Variants in FAAH2 observed in about 807,000 individuals in gnomAD.
FAAH2 encodes the protein fatty acid amide hydrolase 2.
Under a neutral mutation model 36.9 loss-of-function variants are expected in FAAH2, and 60 were observed. The observed-to-expected ratio is 1.63, with a 90% confidence interval of 1.32 to 2.02. FAAH2 has a LOEUF of 2.02. Ranked by LOEUF, FAAH2 falls within the 30% of genes most tolerant of loss-of-function variation. The pLI is 0.00. For synonymous variants in FAAH2, 214 were observed against 143.8 expected, an observed-to-expected ratio of 1.49 and a Z score of -3.49; for missense variants, 689 against 397.5, an observed-to-expected ratio of 1.73 and a Z score of -6.23.
chrX:57,261,569 A>G, the FAAH2 span, among the ~76,000 whole-genome samples: 19 of 107,879 alleles, frequency 1.8e-4, no homozygotes, highest in South Asian at 3.9e-4. Flanking sequence ...AAAAAAAAAA[A>G]AAAAAAGAAA....
chrX:57,166,673 A>G, the FAAH2 span, among the ~76,000 whole-genome samples: 1 of 112,452 alleles, frequency 8.9e-6, no homozygotes, highest in African/African-American at 3.2e-5. Flanking sequence ...CTTATAAAGC[A>G]CATATTACTG....
rs577499371 is a variant in FAAH2, at chrX:57,362,166, G to A, written c.743-16485G>A. ...GCACATATACATCATGGAATACTAT[G>A]CAGCCACAAAAAAAGATGAGTTCAT... On this transcript the variant is annotated intron_variant, in intron 5 of 10. Coordinates refer to ENST00000374900, the MANE Select transcript of FAAH2 (RefSeq NM_174912.4). Among the ~76,000 whole-genome samples, 3 of 110,966 alleles carry A rather than the reference G, an allele frequency of 2.7e-5. No homozygotes were observed. The South Asian group carries it at 1.2e-3, about 43-fold the overall frequency.
chrX:57,486,497 T>C (rs1158710106), intron 10 of FAAH2, among the ~76,000 whole-genome samples: 1 of 111,854 alleles, frequency 8.9e-6, no homozygotes, highest in Non-Finnish European at 1.9e-5. Flanking sequence ...GGCTGTTTTC[T>C]ATCATTTGGC....
intron 7 of FAAH2, among the ~76,000 whole-genome samples, chrX:57,423,809 C>T (rs781621352): frequency 9.0e-6 from 1 of 111,151 alleles, no homozygotes; most frequent in African/African-American, 3.3e-5. Context: ...AACAGGACCA[C>T]GCCCCCAGGG....
At chrX:57,353,504 A>T (rs867650073) in intron 5 of FAAH2, among the ~76,000 whole-genome samples, 5 of 90,818 alleles carry the variant, frequency 5.5e-5, no homozygotes, top group African/African-American at 1.9e-4. Flanking sequence ...AAAAAAAGAA[A>T]AAAAAGAAAA....
the FAAH2 span, among the ~76,000 whole-genome samples, chrX:57,246,171 C>A: frequency 1.8e-5 from 2 of 111,531 alleles, no homozygotes; most frequent in African/African-American, 6.5e-5. Context: ...TAAGTCTAAA[C>A]CAGAAAGAAG....
At chrX:57,395,365 T>G in intron 7 of FAAH2, 1 of 697,882 alleles carries the variant, frequency 1.4e-6, no homozygotes, top group Non-Finnish European at 2.3e-6. Flanking sequence ...TCGCCCTTAT[T>G]TGTGCGGAGA....
the FAAH2 span, among the ~76,000 whole-genome samples, chrX:57,157,286 G>C: frequency 1.8e-5 from 2 of 111,757 alleles, no homozygotes; most frequent in African/African-American, 6.5e-5. Flanking sequence ...TCTGAGACCA[G>C]CAGAATGCAC....
At chrX:57,127,532 G>T in the FAAH2 span, among the ~76,000 whole-genome samples, 1 of 111,365 alleles carries the variant, frequency 9.0e-6, no homozygotes, top group Admixed American at 9.6e-5. Context: ...TCTTAAGGAG[G>T]TGATCCTGAT....
the FAAH2 span, among the ~76,000 whole-genome samples, chrX:57,142,219 C>CTTT: frequency 1.1e-4 from 12 of 111,356 alleles, no homozygotes; most frequent in South Asian, 3.7e-4. Context: ...AGTTTTTATG[C>CTTT]TTTTTTGACT....
the FAAH2 span, among the ~76,000 whole-genome samples, chrX:57,133,781 G>C: frequency 8.9e-6 from 1 of 112,356 alleles, no homozygotes; most frequent in South Asian, 3.7e-4. Context: ...TGGGCAGCCA[G>C]CTGGTATTTG....
chrX:57,287,270 A>G (rs749445888), intron 1 of FAAH2, among the ~76,000 whole-genome samples: 1 of 111,172 alleles, frequency 9.0e-6, no homozygotes, highest in African/African-American at 3.3e-5. Flanking sequence ...CTATTTGTGC[A>G]TAATTACTGT....
In FAAH2 at chrX:57,466,148, C is replaced by A. The variant is rs867601205; in HGVS notation, c.1423+17430C>A. Among the ~76,000 whole-genome samples the A allele has an allele frequency of 3.7e-4, 29 of 78,517 alleles. No individual in the cohort carries two copies. The East Asian group carries it at 4.1e-3, about 11-fold the overall frequency. The allele number at this position is 78,517 out of a possible 115,157, so 68.2% of individuals were successfully genotyped here. A position where few individuals can be genotyped will look rare whatever the true frequency, so the allele number is the denominator to read the frequency against. On this transcript the variant is annotated intron_variant, in intron 10 of 10. Coordinates refer to ENST00000374900, the MANE Select transcript of FAAH2 (RefSeq NM_174912.4). ...GGATTATCTCTCTCTCTCTCTCTCT[C>A]TCTCTCTCTATATATATATATATAT...
chrX:57,125,430 AG>A, the FAAH2 span, among the ~76,000 whole-genome samples: 2 of 111,732 alleles, frequency 1.8e-5, no homozygotes, highest in Non-Finnish European at 3.8e-5. Flanking sequence ...ATGAAAAGTA[AG>A]GGGTTGGGGG....
chrX:57,182,362 G>T, the FAAH2 span, among the ~76,000 whole-genome samples: 1 of 111,424 alleles, frequency 9.0e-6, no homozygotes, highest in Non-Finnish European at 1.9e-5. Context: ...CATCTGTAAG[G>T]ATCTTAAACA....
the FAAH2 span, among the ~76,000 whole-genome samples, chrX:57,182,380 A>G: frequency 1.8e-5 from 2 of 111,845 alleles, no homozygotes; most frequent in Admixed American, 9.5e-5. Flanking sequence ...ACAAATTTAC[A>G]AGAAAAAAAG....
chrX:57,188,817 A>AT, the FAAH2 span, among the ~76,000 whole-genome samples: 1 of 109,470 alleles, frequency 9.1e-6, no homozygotes, highest in African/African-American at 3.3e-5. Flanking sequence ...TTTCCTTCAC[A>AT]TTTTTTCCTT....
the FAAH2 span, among the ~76,000 whole-genome samples, chrX:57,251,952 G>A: frequency 2.3e-4 from 26 of 111,869 alleles, no homozygotes; most frequent in Non-Finnish European, 4.7e-4. Context: ...CCTAGCCAAG[G>A]GAAGCCATGA....
chrX:57,281,027 C>G, the FAAH2 span, among the ~76,000 whole-genome samples: 1 of 111,917 alleles, frequency 8.9e-6, no homozygotes, highest in Non-Finnish European at 1.9e-5. Context: ...TGAAATCATA[C>G]AAATGGAGAA....
Sources: gnomAD v4.1 joint callset for allele counts (sites outside exome capture counted in the v4.1 genomes callset) on GRCh38, gnomAD v4.1.1 for gene constraint, MANE v1.5 for transcripts, NCBI Gene and HGNC (gene_info 2026-07-23, HGNC 2026-07-21) for gene names.